TET3: variants seen among roughly 807,000 people sequenced by gnomAD.
TET3 encodes the protein methylcytosine dioxygenase TET3.
Under a neutral mutation model 141.4 loss-of-function variants are expected in TET3, and 19 were observed. That is an observed-to-expected ratio of 0.13 (90% CI 0.09 to 0.20). The LOEUF is 0.20. TET3 is among the 10% of genes least tolerant of loss of function. The pLI, the probability that TET3 is intolerant of heterozygous loss-of-function variation, is 1.00. For missense variants in TET3, 1,874 were observed against 2,356.9 expected (o/e 0.80, Z 4.24); for synonymous variants, 1,043 against 980.9 (o/e 1.06, Z -1.18).
chr2:74,129,445 C>T, the TET3 span, among the ~76,000 whole-genome samples: 22 of 150,344 alleles, frequency 1.5e-4, no homozygotes, highest in African/African-American at 5.4e-4. Context: ...CCAGCCTGGC[C>T]AACATGGTGA....
At chr2:73,999,864 T>C (rs1484741898) in intron 2 of TET3, among the ~76,000 whole-genome samples, 7 of 152,010 alleles carry the variant, frequency 4.6e-5, no homozygotes, top group Non-Finnish European at 1.0e-4. Context: ...GCCCCGGCAT[T>C]CCACGAGTCT....
chr2:74,124,540 T>C, the TET3 span, among the ~76,000 whole-genome samples: 1 of 152,116 alleles, frequency 6.6e-6, no homozygotes, highest in South Asian at 2.1e-4. Context: ...TGTGTAGGTG[T>C]AGAAAGTAGA....
the TET3 span, among the ~76,000 whole-genome samples, chr2:74,129,586 G>T: frequency 1.3e-5 from 2 of 151,688 alleles, no homozygotes; most frequent in East Asian, 3.9e-4. Flanking sequence ...AGCCAAGATC[G>T]CACCACTGTG....
rs1297979743 is a variant in TET3 at position 74,061,612 on chromosome 2, C to T, written c.2495-11937C>T. Among the ~76,000 whole-genome samples, 4 of 150,866 alleles carry T rather than the reference C, an allele frequency of 2.7e-5. No individual in the cohort carries two copies. The East Asian group carries it at 8.0e-4, about 30-fold the overall frequency. ...GCGGGGGGCTGACCCCCCCCACCTC[C>T]CTCCCAGACGGGGTGGCTGTCAGGC... On this transcript the variant is annotated intron_variant, in intron 4 of 11. Transcript: ENST00000409262.
Position 74,047,217 on chromosome 2 carries a change from C to T in TET3, c.1300C>T (p.Pro434Ser), listed in dbSNP as rs973522828. 1.2e-6 allele frequency: 2 copies of T among 1,614,022 alleles called. No individual in the cohort carries two copies. Among genetic ancestry groups the T allele is most frequent in the Admixed American group, 1.7e-5 (1 of 60,030 alleles). Residue 434 changes from proline to serine, a missense_variant, in exon 4 of 12, where the codon CCT becomes TCT. Transcript: ENST00000409262. The part of the protein sequence containing the change: ...FPPATPRTEF[P>S]EAWGTDTPPA... ...TCCAGCAACTCCTAGAACTGAGTTC[C>T]CTGAAGCCTGGGGCACTGACACCCC...
chr2:74,046,602 A>G lies in TET3; in HGVS notation c.685A>G (p.Ser229Gly). 6.2e-7 allele frequency: 1 copy of G among 1,614,004 alleles called. No individual in the cohort carries two copies. Among genetic ancestry groups the G allele is most frequent in the Non-Finnish European group, 8.5e-7 (1 of 1,179,882 alleles). ...RLYETFNREM[S>G]REAGNNSRGP... is the part of the protein sequence containing the mutation. ...CTATGAAACCTTCAACCGTGAGATG[A>G]GTCGTGAGGCTGGGAACAACAGCAG... is the stretch of plus-strand genomic sequence containing the variant. Residue 229 changes from serine to glycine, a missense_variant, in exon 4 of 12, where the codon AGT becomes GGT. Around this residue, in one of 10 missense-constraint regions of TET3, gnomAD observed 366 missense variants for 487.0 expected, o/e 0.75. Coordinates refer to ENST00000409262, the MANE Select transcript of TET3 (RefSeq NM_001287491.2). This position sits in a 1 kb window ranked among gnomAD's most constrained non-coding sequence, Gnocchi z 4.3.
chr2:74,128,848 C>T, the TET3 span, among the ~76,000 whole-genome samples: 10 of 151,546 alleles, frequency 6.6e-5, no homozygotes, highest in Non-Finnish European at 1.3e-4. Flanking sequence ...ATAAAATAGC[C>T]AGGCATGGTG....
At position 74,102,265 on chromosome 2, in the gene TET3, G is replaced by T; in HGVS notation, c.*89G>T. ...CCCTCATACCTGGGGGCGGGTTGGG[G>T]GTGCAGAAGTCTTTTTATCTCTATA... On this transcript the variant is annotated 3_prime_UTR_variant, in exon 12 of 12. Coordinates refer to ENST00000409262, the MANE Select transcript of TET3 (RefSeq NM_001287491.2). 1 of 1,359,100 alleles carries T rather than the reference G, an allele frequency of 7.4e-7. No homozygotes were observed. Among genetic ancestry groups the T allele is most frequent in the East Asian group, 2.7e-5 (1 of 37,214 alleles). 84.2% of individuals were successfully genotyped at this position (1,359,100 alleles called of 1,614,324 possible). A position where few individuals can be genotyped will look rare whatever the true frequency, so the allele number is the denominator to read the frequency against.
intron 4 of TET3, among the ~76,000 whole-genome samples, chr2:74,072,830 C>A (rs925934716): frequency 1.7e-4 from 26 of 152,206 alleles, no homozygotes; most frequent in Non-Finnish European, 2.1e-4. Context: ...TAATTCATAT[C>A]AGGGAAATCC....
Position 74,100,713 on chromosome 2 carries a change from A to C in TET3, c.3925A>C (p.Ser1309Arg). The C allele has an allele frequency of 6.2e-7, 1 of 1,613,944 alleles. No homozygotes were observed. The highest frequency in any genetic ancestry group is 8.5e-7 in the Non-Finnish European group (1 of 1,179,850). ...QFLGPGAWGH[S>R]GSSGSFEKKP... ...CCTGGGTCCTGGTGCCTGGGGGCAC[A>C]GTGGCAGCAGTGGCAGTTTTGAGAA... Residue 1309 changes from serine to arginine, a missense_variant, in exon 12 of 12, where the codon AGT (serine) becomes CGT (arginine). By Grantham distance (110) the Ser-to-Arg change is moderately radical (BLOSUM62 -1). Around this residue, in one of 10 missense-constraint regions of TET3, gnomAD observed 602 missense variants for 590.2 expected, o/e 1.02. Coordinates refer to ENST00000409262, the MANE Select transcript of TET3 (RefSeq NM_001287491.2).
intron 3 of TET3, among the ~76,000 whole-genome samples, chr2:74,014,650 G>A (rs1392432527): frequency 6.6e-6 from 1 of 152,124 alleles, no homozygotes; most frequent in Non-Finnish European, 1.5e-5. Flanking sequence ...AGTTTTGGTA[G>A]TATTTAGAAA....
rs923591035 is a variant in TET3 at position 74,046,401 on chromosome 2, C to G, written c.484C>G (p.Pro162Ala). The G allele has an allele frequency of 6.4e-7, 1 of 1,567,848 alleles. No homozygotes were observed. The highest frequency in any genetic ancestry group is 8.6e-7 in the Non-Finnish European group (1 of 1,158,976). ...GGTGCCGGTCAATGGTGCTAGAGAGCCCGCTGGACCCAGTCTGCTGGGGAC... is the reference window on the plus strand; with the variant it reads ...GGTGCCGGTCAATGGTGCTAGAGAGGCCGCTGGACCCAGTCTGCTGGGGAC... ...SGVPVNGARE[P>A]AGPSLLGTGG... Residue 162 changes from proline to alanine, a missense_variant, in exon 4 of 12, where the codon CCC becomes GCC. Coordinates refer to ENST00000409262, the MANE Select transcript of TET3 (RefSeq NM_001287491.2). This position sits in a 1 kb window ranked among gnomAD's most constrained non-coding sequence, Gnocchi z 4.3.
At position 74,047,638 on chromosome 2, in the gene TET3, C is replaced by T. The variant is rs1252700481; in HGVS notation, c.1721C>T (p.Pro574Leu). The T allele has an allele frequency of 8.1e-6, 13 of 1,613,424 alleles. No individual in the cohort carries two copies. The highest frequency in any genetic ancestry group is 1.1e-5 in the Non-Finnish European group (13 of 1,179,708). ...SSPVPRLPDR[P>L]PKEKKKKLPT... ...CCTGTCCCACGGCTTCCAGACAGAC[C>T]ACCCAAGGAGAAGAAGAAGAAGCTC... The change falls in exon 4 of 12, where the codon CCA becomes CTA. Residue 574 changes from proline (P) to leucine (L), a missense_variant. By Grantham distance (98) the Pro-to-Leu change is moderately conservative. This residue lies in a region of TET3 where 484 missense variants were observed against 462.2 expected (regional missense o/e 1.05). Transcript: ENST00000409262.
chr2:74,133,913 T>C, the TET3 span, among the ~76,000 whole-genome samples: 3 of 151,992 alleles, frequency 2.0e-5, no homozygotes, highest in African/African-American at 4.8e-5. Flanking sequence ...CCTGGCTAAT[T>C]TTTGTATTTT....
intron 4 of TET3, among the ~76,000 whole-genome samples, chr2:74,064,705 T>G (rs1031421192): frequency 6.6e-6 from 1 of 152,216 alleles, no homozygotes; most frequent in Non-Finnish European, 1.5e-5. Context: ...GGCCCAGATT[T>G]TTTTTTCAAT....
intron 4 of TET3, among the ~76,000 whole-genome samples, chr2:74,070,417 A>G (rs996911016): frequency 2.0e-5 from 3 of 152,134 alleles, no homozygotes; most frequent in Non-Finnish European, 4.4e-5. Flanking sequence ...TGCCTCCATG[A>G]TTCAGTTATC....
At chr2:74,002,614 G>A (rs1006768778) in intron 2 of TET3, 6 of 348,374 alleles carry the variant, frequency 1.7e-5, no homozygotes, top group Non-Finnish European at 3.1e-5. Context: ...CCACCAGGCG[G>A]GGGCAGGGCC....
At chr2:74,024,689 C>T (rs1162618406) in intron 3 of TET3, among the ~76,000 whole-genome samples, 4 of 152,004 alleles carry the variant, frequency 2.6e-5, no homozygotes, top group Non-Finnish European at 5.9e-5. Flanking sequence ...TCCTGTTCCT[C>T]GTTGTAAGAT....
chr2:74,005,254 T>C (rs577765842), intron 3 of TET3, among the ~76,000 whole-genome samples: 1 of 152,350 alleles, frequency 6.6e-6, no homozygotes, highest in South Asian at 2.1e-4. Flanking sequence ...CAGGGGCTAC[T>C]TGAAAATCCA....
Sources: allele counts gnomAD v4.1 joint callset (sites outside exome capture counted in the v4.1 genomes callset), GRCh38; gene constraint gnomAD v4.1.1; regional missense constraint gnomAD v4.1.1; non-coding constraint Gnocchi (gnomAD v3.1); transcripts MANE v1.5; gene names NCBI Gene and HGNC (gene_info 2026-07-23, HGNC 2026-07-21).